Variants in NEK10 observed in about 807,000 individuals in gnomAD.
The protein encoded by NEK10 is serine/threonine-protein kinase Nek10.
A neutral mutation model predicts 159.8 loss-of-function variants in NEK10; 122 were observed. The observed-to-expected ratio is 0.76, with a 90% CI of 0.66 to 0.89. The LOEUF (loss-of-function observed/expected upper bound fraction) is 0.89. NEK10 is among the 40% of genes least tolerant of loss of function. NEK10 has a pLI of 0.00. For synonymous variants in NEK10, 466 were observed against 457.1 expected (o/e 1.02, Z -0.25); for missense variants, 1,342 against 1,323.1 (o/e 1.01, Z -0.22).
chr3:27,257,663 C>T (rs981447859), intron 22 of NEK10, among the ~76,000 whole-genome samples: 2 of 152,118 alleles, frequency 1.3e-5, no homozygotes, highest in Admixed American at 1.3e-4. Flanking sequence ...ATTAGTATAG[C>T]TTAGTGCTTA....
intron 22 of NEK10, among the ~76,000 whole-genome samples, chr3:27,266,886 C>T (rs1026902228): frequency 6.6e-6 from 1 of 152,192 alleles, no homozygotes; most frequent in Non-Finnish European, 1.5e-5. Flanking sequence ...CTCACTTCCC[C>T]TAGAGGCAGC....
At chr3:27,282,705 A>ATATATATACATAACTGTGT (rs1559423246) in intron 22 of NEK10, among the ~76,000 whole-genome samples, 12 of 137,776 alleles carry the variant, frequency 8.7e-5, no homozygotes, top group East Asian at 6.3e-4. Context: ...TAACTGTGTT[A>ATATATATACATAACTGTGT]TATATATATA....
intron 30 of NEK10, among the ~76,000 whole-genome samples, chr3:27,151,916 T>C (rs146077053): frequency 1.3e-5 from 2 of 152,130 alleles, no homozygotes; most frequent in African/African-American, 4.8e-5. Context: ...GACGAGGTCT[T>C]TGAATTAACC....
intron 6 of NEK10, among the ~76,000 whole-genome samples, chr3:27,319,179 C>T (rs980627164): frequency 6.6e-6 from 1 of 152,120 alleles, no homozygotes; most frequent in African/African-American, 2.4e-5. Flanking sequence ...TTCTCTTTAT[C>T]TTTGATAAGC....
intron 22 of NEK10, among the ~76,000 whole-genome samples, chr3:27,275,044 C>T (rs540379518): frequency 9.2e-5 from 14 of 152,180 alleles, no homozygotes; most frequent in African/African-American, 3.4e-4. Context: ...TTTATTTGGC[C>T]TTATAAACCT....
At chr3:27,161,489 T>G (rs1369621597) in intron 30 of NEK10, among the ~76,000 whole-genome samples, 1 of 152,140 alleles carries the variant, frequency 6.6e-6, no homozygotes, top group Non-Finnish European at 1.5e-5. Context: ...GAAGCTGAAG[T>G]GAAAATAGCA....
In NEK10 at chr3:27,364,348, T is replaced by TTGTGTG. The variant is rs4016621; in HGVS notation, c.-38+4871_-38+4876dup. ...GGCGCCCACCACCATGCCTGGCTAA[T>TTGTGTG]TGTGTGTGTGTGTGTGTGTGTGTGT... On this transcript the variant is annotated intron_variant, in intron 1 of 35. Coordinates refer to ENST00000691995, the MANE Select transcript of NEK10 (RefSeq NM_001394966.1). Among the ~76,000 whole-genome samples the TTGTGTG allele has an allele frequency of 2.7e-3, 328 of 120,642 alleles. 5 individuals are homozygous for TTGTGTG. Among genetic ancestry groups the TTGTGTG allele is most frequent in the Middle Eastern group, 4.3e-3 (1 of 234 alleles). 79.1% of individuals were successfully genotyped at this position (120,642 alleles called of 152,430 possible).
At chr3:27,257,945 C>T (rs1206556337) in intron 22 of NEK10, among the ~76,000 whole-genome samples, 3 of 151,816 alleles carry the variant, frequency 2.0e-5, no homozygotes, top group Admixed American at 6.6e-5. Context: ...CCCGCCAGCA[C>T]GTCCAGCTAA....
intron 30 of NEK10, among the ~76,000 whole-genome samples, chr3:27,157,406 A>G (rs2148789248): frequency 6.6e-6 from 1 of 152,290 alleles, no homozygotes; most frequent in South Asian, 2.1e-4. Context: ...GATGACTTTG[A>G]GGGTTTAAAA....
At chr3:27,289,753 A>C (rs1336466293) in intron 19 of NEK10, among the ~76,000 whole-genome samples, 2 of 152,248 alleles carry the variant, frequency 1.3e-5, no homozygotes, top group African/African-American at 4.8e-5. Context: ...TGAACAAACT[A>C]CACATGAACA....
chr3:27,183,578 T>G lies in NEK10; in HGVS notation c.2505+8451A>C, dbSNP rs1265746720. 7.2e-5 allele frequency among the ~76,000 whole-genome samples: 11 copies of G among 152,138 alleles called. No individual in the cohort carries two copies. In the East Asian group the frequency reaches 1.9e-3, roughly 27 times the overall value. On this transcript the variant is annotated intron_variant, in intron 26 of 35. Transcript: ENST00000691995. The stretch of plus-strand genomic sequence containing the variant: ...TGACCACCACAAACAATTACATGAA[T>G]AAGTCTTCATCAAAATTAAAATTTT...
intron 35 of NEK10, 53 bp downstream of exon 35, chr3:27,115,887 A>ATCTG: frequency 7.8e-7 from 1 of 1,276,920 alleles, no homozygotes; most frequent in South Asian, 1.2e-5. Context: ...TAGATCTAAC[A>ATCTG]TCTGATGACC....
intron 26 of NEK10, among the ~76,000 whole-genome samples, chr3:27,182,426 T>C (rs941902146): frequency 2.6e-5 from 4 of 152,072 alleles, no homozygotes; most frequent in African/African-American, 7.2e-5. Flanking sequence ...AAGAGACATA[T>C]AATCCATGGA....
At chr3:27,366,048 C>A (rs1050017382) in intron 1 of NEK10, among the ~76,000 whole-genome samples, 1 of 152,144 alleles carries the variant, frequency 6.6e-6, no homozygotes, top group Non-Finnish European at 1.5e-5. Flanking sequence ...TTACTATTCC[C>A]TCATCCTGCT....
chr3:27,329,271 T>A (rs556337080), intron 5 of NEK10, among the ~76,000 whole-genome samples: 166 of 152,322 alleles, frequency 1.1e-3, no homozygotes, highest in African/African-American at 3.9e-3. Flanking sequence ...TCCATTAAAC[T>A]TTTTTCCTGT....
chr3:27,129,643 T>G (rs1246341178), intron 32 of NEK10, among the ~76,000 whole-genome samples: 1 of 152,126 alleles, frequency 6.6e-6, no homozygotes, highest in South Asian at 2.1e-4. Flanking sequence ...CTATATATTA[T>G]ACAGAATATA....
At chr3:27,286,848 A>G (rs2042653976) in intron 20 of NEK10, among the ~76,000 whole-genome samples, 1 of 152,152 alleles carries the variant, frequency 6.6e-6, no homozygotes, top group Admixed American at 6.5e-5. Context: ...AATATCAAGA[A>G]CAAATGGCTA....
intron 11 of NEK10, 97 bp downstream of exon 11, chr3:27,307,762 G>C: frequency 1.4e-6 from 1 of 707,008 alleles, no homozygotes; most frequent in Admixed American, 2.5e-5. Context: ...ATCATATTCA[G>C]TTACAATGTA....
intron 23 of NEK10, among the ~76,000 whole-genome samples, chr3:27,234,305 G>A (rs1407320666): frequency 6.6e-6 from 1 of 152,104 alleles, no homozygotes; most frequent in Non-Finnish European, 1.5e-5. Context: ...GTTCAGATAG[G>A]AAGAGAGGAA....
Sources: allele counts gnomAD v4.1 joint callset (sites outside exome capture counted in the v4.1 genomes callset), GRCh38; gene constraint gnomAD v4.1.1; transcripts MANE v1.5; gene names NCBI Gene and HGNC (gene_info 2026-07-23, HGNC 2026-07-21).